Variants in PRKG1 observed in about 807,000 individuals in gnomAD.
The protein encoded by PRKG1 is protein kinase cGMP-dependent 1, also known as cGMP-dependent protein kinase 1.
PRKG1 carries 35 observed loss-of-function variants against 88.1 expected under a neutral mutation model. That is an observed-to-expected ratio of 0.40 (90% CI 0.30 to 0.53). PRKG1 has a LOEUF of 0.53. Ranked by LOEUF, PRKG1 falls within the 20% of genes least tolerant of loss-of-function variation. PRKG1 has a pLI of 0.59. For missense variants in PRKG1, 540 were observed against 839.8 expected (o/e 0.64, Z 4.41); for synonymous variants, 303 against 292.5 (o/e 1.04, Z -0.37).
intron 2 of PRKG1, among the ~76,000 whole-genome samples, chr10:51,305,163 T>C (rs931525304): frequency 2.6e-4 from 39 of 152,272 alleles, no homozygotes; most frequent in African/African-American, 9.1e-4. Flanking sequence ...CCTGGAAAGA[T>C]AGCCCTTCAA....
chr10:51,616,509 G>A (rs1250790713), intron 3 of PRKG1, among the ~76,000 whole-genome samples: 3 of 152,144 alleles, frequency 2.0e-5, no homozygotes, highest in South Asian at 2.1e-4. Flanking sequence ...CAGATAGGTG[G>A]TGGTAGCAGC....
At chr10:51,181,485 C>G (rs1028577181) in intron 2 of PRKG1, among the ~76,000 whole-genome samples, 1 of 151,746 alleles carries the variant, frequency 6.6e-6, no homozygotes, top group African/African-American at 2.4e-5. Flanking sequence ...TCATGATCCA[C>G]CCGCCTCGGC....
intron 2 of PRKG1, among the ~76,000 whole-genome samples, chr10:51,280,627 A>T (rs1320427652): frequency 1.3e-5 from 2 of 152,134 alleles, no homozygotes; most frequent in African/African-American, 4.8e-5. Context: ...ATCTTCCATC[A>T]CTGATACCCT....
chr10:52,063,350 C>G (rs1340450499), intron 7 of PRKG1, among the ~76,000 whole-genome samples: 1 of 152,224 alleles, frequency 6.6e-6, no homozygotes. Context: ...GCTTCCCCGG[C>G]TAGCATCAGG....
At chr10:51,224,686 A>G (rs1838642335) in intron 2 of PRKG1, among the ~76,000 whole-genome samples, 1 of 152,186 alleles carries the variant, frequency 6.6e-6, no homozygotes, top group African/African-American at 2.4e-5. Flanking sequence ...AGAGCGTCCT[A>G]TATTTCTGTA....
chr10:51,844,689 A>C (rs1589346163), intron 4 of PRKG1, among the ~76,000 whole-genome samples: 1 of 152,310 alleles, frequency 6.6e-6, no homozygotes, highest in African/African-American at 2.4e-5. Context: ...AGAGCATCAA[A>C]CTTTGATAAA....
At chr10:51,496,594 G>A (rs1038261507) in intron 3 of PRKG1, among the ~76,000 whole-genome samples, 5 of 152,170 alleles carry the variant, frequency 3.3e-5, no homozygotes, top group African/African-American at 1.2e-4. Flanking sequence ...CAAAGGGTAT[G>A]ACTTCTTTTC....
chr10:51,549,120 C>CTTTTTTTTTTTTTGTTTTT (rs1842515857), intron 3 of PRKG1, among the ~76,000 whole-genome samples: 1 of 70,326 alleles, frequency 1.4e-5, no homozygotes, highest in Non-Finnish European at 2.6e-5. Flanking sequence ...CTTTTCTTTT[C>CTTTTTTTTTTTTTGTTTTT]TTTTTTTTTT....
At chr10:51,294,044 C>A (rs1840653066) in intron 2 of PRKG1, among the ~76,000 whole-genome samples, 1 of 151,952 alleles carries the variant, frequency 6.6e-6, no homozygotes, top group South Asian at 2.1e-4. Context: ...CTATTCATAC[C>A]TTTTACCTAA....
At chr10:51,088,677 A>T (rs1844317763) in intron 1 of PRKG1, among the ~76,000 whole-genome samples, 1 of 152,018 alleles carries the variant, frequency 6.6e-6, no homozygotes, top group African/African-American at 2.4e-5. Context: ...CTATGTTTTG[A>T]CTGTTATTGG....
At chr10:51,768,438 G>A (rs16922814) in intron 3 of PRKG1, among the ~76,000 whole-genome samples, 7,194 of 151,976 alleles carry the variant, frequency 0.047, 549 homozygotes, top group African/African-American at 0.16. Flanking sequence ...ATGTTTTATA[G>A]AGACCACACA....
At chr10:51,735,569 T>TGG (rs145077541) in intron 3 of PRKG1, among the ~76,000 whole-genome samples, 2 of 151,662 alleles carry the variant, frequency 1.3e-5, no homozygotes, top group Non-Finnish European at 2.9e-5. Context: ...TCAGTATTTG[T>TGG]GGGGGGATTA....
Position 51,624,661 on chromosome 10 carries a change from G to T in PRKG1, c.592+156825G>T, listed in dbSNP as rs138683157. On this transcript the variant is annotated intron_variant, in intron 3 of 17. Coordinates refer to ENST00000373980, the MANE Select transcript of PRKG1 (RefSeq NM_006258.4). ...GATTTGGGACACAGTTGTGGCCACA[G>T]AGATGTTTTTCACAGCATTACTCAC... Among the ~76,000 whole-genome samples the T allele has an allele frequency of 2.6e-5, 4 of 152,312 alleles. No individual in the cohort carries two copies. In the East Asian group the frequency reaches 7.7e-4, roughly 29 times the overall value.
At chr10:51,945,321 C>T (rs901707339) in intron 5 of PRKG1, among the ~76,000 whole-genome samples, 41 of 151,472 alleles carry the variant, frequency 2.7e-4, no homozygotes, top group African/African-American at 9.5e-4. Flanking sequence ...GATCTTCCTC[C>T]ATCCTTTTAT....
At chr10:51,529,484 C>T (rs943232513) in intron 3 of PRKG1, among the ~76,000 whole-genome samples, 3 of 152,124 alleles carry the variant, frequency 2.0e-5, no homozygotes, top group African/African-American at 4.8e-5. Context: ...TGTCACCTAC[C>T]GCTCACCTGC....
intron 3 of PRKG1, among the ~76,000 whole-genome samples, chr10:51,504,530 G>A (rs1841136569): frequency 6.6e-6 from 1 of 152,216 alleles, no homozygotes; most frequent in East Asian, 1.9e-4. Flanking sequence ...AGCTTGATGG[G>A]GATGGCATTG....
chr10:50,997,549 T>C (rs1443607557), intron 1 of PRKG1, among the ~76,000 whole-genome samples: 4 of 152,226 alleles, frequency 2.6e-5, no homozygotes, highest in Admixed American at 2.6e-4. Flanking sequence ...ACCTTTTCTT[T>C]TGATAAGATT....
chr10:51,412,186 A>C (rs1339151923), intron 2 of PRKG1, among the ~76,000 whole-genome samples: 2 of 83,926 alleles, frequency 2.4e-5, no homozygotes, highest in East Asian at 4.9e-4. Context: ...AGAGTGAGAG[A>C]GAGAGAGAGA....
chr10:51,102,607 T>G (rs568980570), intron 1 of PRKG1, among the ~76,000 whole-genome samples: 1 of 152,294 alleles, frequency 6.6e-6, no homozygotes, highest in East Asian at 1.9e-4. Flanking sequence ...GGAAGCATCT[T>G]TTCTGGGAAA....
Sources: allele counts gnomAD v4.1 joint callset (sites outside exome capture counted in the v4.1 genomes callset), GRCh38; gene constraint gnomAD v4.1.1; transcripts MANE v1.5; gene names NCBI Gene and HGNC (gene_info 2026-07-23, HGNC 2026-07-21).